FBXL7: variants seen among roughly 807,000 people sequenced by gnomAD.
FBXL7 encodes the protein F-box/LRR-repeat protein 7.
Under a neutral mutation model 38.3 loss-of-function variants are expected in FBXL7, and 12 were observed. The ratio of observed to expected loss-of-function variants is 0.31; its 90% CI spans 0.20 to 0.51. The LOEUF (loss-of-function observed/expected upper bound fraction) is 0.51, where lower values mean the gene tolerates loss of function less well. Among genes scored for constraint, FBXL7 ranks in the 20% least tolerant of loss-of-function variants. The probability of loss-of-function intolerance (pLI) is 0.98; values close to 1 mark genes in which losing one functional copy is unlikely to be tolerated. For missense variants in FBXL7, 567 were observed against 676.4 expected (o/e 0.84, Z 1.79); for synonymous variants, 297 against 300.9 (o/e 0.99, Z 0.13).
At chr5:15,596,296 T>G (rs1739623288) in intron 1 of FBXL7, among the ~76,000 whole-genome samples, 1 of 152,208 alleles carries the variant, frequency 6.6e-6, no homozygotes, top group African/African-American at 2.4e-5. Context: ...CATTTTTGTG[T>G]GGTATGTATA....
intron 2 of FBXL7, among the ~76,000 whole-genome samples, chr5:15,640,048 C>T (rs1467148893): frequency 1.3e-5 from 2 of 152,122 alleles, no homozygotes; most frequent in Non-Finnish European, 2.9e-5. Context: ...CTTAAGGAAC[C>T]TCTGTGCATG....
At chr5:15,634,879 C>T (rs769005165) in intron 2 of FBXL7, among the ~76,000 whole-genome samples, 3 of 152,116 alleles carry the variant, frequency 2.0e-5, no homozygotes, top group Non-Finnish European at 4.4e-5. Flanking sequence ...CTCTGACTCT[C>T]CTCCTTCTCA....
intron 2 of FBXL7, among the ~76,000 whole-genome samples, chr5:15,699,617 A>G (rs1743460884): frequency 6.6e-6 from 1 of 152,232 alleles, no homozygotes; most frequent in Non-Finnish European, 1.5e-5. Context: ...TAATGCAGAA[A>G]GAAGGAGTAT....
chr5:15,818,819 A>G (rs1020046789), intron 2 of FBXL7, among the ~76,000 whole-genome samples: 5 of 151,958 alleles, frequency 3.3e-5, no homozygotes, highest in Non-Finnish European at 4.4e-5. Context: ...TTAGTTATTC[A>G]TATACCTGTG....
intron 2 of FBXL7, among the ~76,000 whole-genome samples, chr5:15,844,650 T>G (rs1037851121): frequency 6.6e-6 from 1 of 152,138 alleles, no homozygotes; most frequent in African/African-American, 2.4e-5. Context: ...CTTACCCCTC[T>G]GGAGAGCATC....
chr5:15,778,216 C>T (rs1018833463), intron 2 of FBXL7, among the ~76,000 whole-genome samples: 1 of 152,066 alleles, frequency 6.6e-6, no homozygotes, highest in African/African-American at 2.4e-5. Context: ...ACTTAAAGTC[C>T]TGTTGCATTT....
intron 2 of FBXL7, among the ~76,000 whole-genome samples, chr5:15,885,034 A>G (rs1434302971): frequency 6.6e-6 from 1 of 152,194 alleles, no homozygotes; most frequent in South Asian, 2.1e-4. Context: ...TTTGAGGGCC[A>G]GGAATTGGCA....
intron 2 of FBXL7, among the ~76,000 whole-genome samples, chr5:15,861,318 G>A (rs930703024): frequency 7.9e-5 from 12 of 152,216 alleles, no homozygotes. Context: ...TTTGAAAAGA[G>A]CAACAACAAC....
chr5:15,770,598 T>C (rs1471098866), intron 2 of FBXL7, among the ~76,000 whole-genome samples: 1 of 152,204 alleles, frequency 6.6e-6, no homozygotes, highest in Non-Finnish European at 1.5e-5. Context: ...GAATTTAAAC[T>C]CTTACTAGTT....
chr5:15,806,561 A>C (rs1737717531), intron 2 of FBXL7, among the ~76,000 whole-genome samples: 2 of 152,142 alleles, frequency 1.3e-5, no homozygotes, highest in South Asian at 4.1e-4. Context: ...AGCATGGATT[A>C]ATCTTCCACA....
At chr5:15,868,440 A>C (rs2126820220) in intron 2 of FBXL7, among the ~76,000 whole-genome samples, 1 of 152,318 alleles carries the variant, frequency 6.6e-6, no homozygotes, top group Non-Finnish European at 1.5e-5. Context: ...CAGCAGCAAA[A>C]GGAAACTAAG....
intron 1 of FBXL7, among the ~76,000 whole-genome samples, chr5:15,570,455 A>G (rs1452252718): frequency 2.6e-5 from 4 of 151,952 alleles, no homozygotes. Context: ...ATCACTTTTT[A>G]TTGCGTCTAT....
At position 15,937,225 on chromosome 5, in the gene FBXL7, T is replaced by C. The variant is rs770451687; in HGVS notation, c.*39T>C. 7.3e-6 allele frequency: 11 copies of C among 1,500,738 alleles called. No individual in the cohort carries two copies. The South Asian group carries it at 1.3e-4, about 18-fold the overall frequency. 93.0% of individuals were successfully genotyped at this position (1,500,738 alleles called of 1,614,324 possible). Reference sequence around the variant, plus strand: ...ATCCGGCGTTGTATTCACACAAACCTGAACAAAGCAAATTTTTTTAAAAGC... The same window carrying C: ...ATCCGGCGTTGTATTCACACAAACCCGAACAAAGCAAATTTTTTTAAAAGC... On this transcript the variant is annotated 3_prime_UTR_variant, in exon 4 of 4. Transcript: ENST00000504595.
chr5:15,584,669 C>T (rs1341431095), intron 1 of FBXL7, among the ~76,000 whole-genome samples: 3 of 152,212 alleles, frequency 2.0e-5, no homozygotes, highest in Non-Finnish European at 4.4e-5. Flanking sequence ...AACCCTCTGC[C>T]CATTACCCAA....
chr5:15,620,660 C>T (rs1740608055), intron 2 of FBXL7, among the ~76,000 whole-genome samples: 1 of 152,048 alleles, frequency 6.6e-6, no homozygotes, highest in Non-Finnish European at 1.5e-5. Flanking sequence ...GCACGCTGGC[C>T]CCAAAACTCT....
intron 1 of FBXL7, among the ~76,000 whole-genome samples, chr5:15,554,642 C>T (rs1738179167): frequency 6.6e-6 from 1 of 152,194 alleles, no homozygotes. Flanking sequence ...GGGAGAGCCT[C>T]AGGCCCCACC....
At chr5:15,627,127 C>T (rs1311844942) in intron 2 of FBXL7, among the ~76,000 whole-genome samples, 3 of 152,206 alleles carry the variant, frequency 2.0e-5, no homozygotes, top group Non-Finnish European at 4.4e-5. Flanking sequence ...AAACTGTCAT[C>T]TAAATATTTC....
intron 1 of FBXL7, among the ~76,000 whole-genome samples, chr5:15,557,307 G>T (rs954897125): frequency 1.3e-5 from 2 of 152,262 alleles, no homozygotes; most frequent in East Asian, 3.9e-4. Context: ...GGCTTTATTG[G>T]CCTTGCTGCT....
In FBXL7 at chr5:15,595,102, A is replaced by G. The variant is rs554778380; in HGVS notation, c.38-20881A>G. On this transcript the variant is annotated intron_variant, in intron 1 of 3. Transcript: ENST00000504595. Reference sequence around the variant, plus strand: ...CGCCAGCTGCAGTGTGTACAAGACTATGATCCCAGGGCATGTAAGAAGATA... The same window carrying G: ...CGCCAGCTGCAGTGTGTACAAGACTGTGATCCCAGGGCATGTAAGAAGATA... 6.8e-4 allele frequency among the ~76,000 whole-genome samples: 103 copies of G among 152,362 alleles called. 1 individual carries two copies. Among genetic ancestry groups the G allele is most frequent in the Admixed American group, 2.0e-3 (30 of 15,306 alleles).
Sources: allele counts gnomAD v4.1 joint callset (sites outside exome capture counted in the v4.1 genomes callset), GRCh38; gene constraint gnomAD v4.1.1; transcripts MANE v1.5; gene names NCBI Gene and HGNC (gene_info 2026-07-23, HGNC 2026-07-21).